Variants in CDH8 observed in about 807,000 individuals in gnomAD.
The protein encoded by CDH8 is cadherin-8.
CDH8 carries 17 observed loss-of-function variants against 68.1 expected under a neutral mutation model. That is an observed-to-expected ratio of 0.25 (90% confidence interval 0.17 to 0.37). CDH8 has a LOEUF of 0.37. Ranked by LOEUF, CDH8 falls within the 10% of genes least tolerant of loss-of-function variation. The pLI is 1.00. For synonymous variants in CDH8, 372 were observed against 365.1 expected (o/e 1.02, Z -0.21); for missense variants, 763 against 999.3 (o/e 0.76, Z 3.19).
At chr16:61,738,861 T>G (rs1959782771) in intron 8 of CDH8, among the ~76,000 whole-genome samples, 1 of 152,136 alleles carries the variant, frequency 6.6e-6, no homozygotes, top group African/African-American at 2.4e-5. Context: ...TTGTTTTAGT[T>G]TTGATCTGTG....
At chr16:62,032,047 CTTTGG>C in intron 1 of CDH8, 1 of 152,278 alleles carries the variant, frequency 6.6e-6, no homozygotes, top group Admixed American at 6.5e-5. Context: ...ACTAATAGCC[CTTTGG>C]TTAATTAAGC....
At chr16:61,800,483 G>A (rs191226314) in intron 7 of CDH8, among the ~76,000 whole-genome samples, 30 of 152,254 alleles carry the variant, frequency 2.0e-4, no homozygotes, top group Non-Finnish European at 2.9e-4. Flanking sequence ...CCTTGGCTTT[G>A]GAAGGGCATT....
chr16:61,895,458 T>C (rs2143223415), intron 3 of CDH8, among the ~76,000 whole-genome samples: 1 of 152,252 alleles, frequency 6.6e-6, no homozygotes, highest in African/African-American at 2.4e-5. Context: ...GTTGTGTATA[T>C]TAGAAGCATT....
intron 9 of CDH8, among the ~76,000 whole-genome samples, chr16:61,714,700 T>C (rs1347526039): frequency 1.3e-5 from 2 of 151,636 alleles, no homozygotes; most frequent in Non-Finnish European, 3.0e-5. Flanking sequence ...CAGATAATTA[T>C]CTTAATAATT....
chr16:61,850,174 A>G (rs1962909794), intron 4 of CDH8, among the ~76,000 whole-genome samples: 1 of 152,046 alleles, frequency 6.6e-6, no homozygotes, highest in Admixed American at 6.6e-5. Flanking sequence ...GCTTTTGGTG[A>G]GGAAGTTTTA....
At chr16:61,840,872 T>A (rs2143008147) in intron 4 of CDH8, among the ~76,000 whole-genome samples, 1 of 152,090 alleles carries the variant, frequency 6.6e-6, no homozygotes, top group South Asian at 2.1e-4. Context: ...ATGGCACACA[T>A]TTACCTATGC....
chr16:61,917,743 G>A (rs1964267243), intron 2 of CDH8, among the ~76,000 whole-genome samples: 1 of 152,170 alleles, frequency 6.6e-6, no homozygotes, highest in Non-Finnish European at 1.5e-5. Context: ...AGTACATAGT[G>A]AACCTTCTTT....
intron 8 of CDH8, among the ~76,000 whole-genome samples, chr16:61,734,788 T>A (rs1959630820): frequency 6.6e-6 from 1 of 152,094 alleles, no homozygotes; most frequent in African/African-American, 2.4e-5. Flanking sequence ...TTCAAAAAAA[T>A]TATGACTTTT....
chr16:61,783,368 G>A (rs1441767937), intron 8 of CDH8, among the ~76,000 whole-genome samples: 21 of 145,378 alleles, frequency 1.4e-4, no homozygotes, highest in South Asian at 8.9e-4. Flanking sequence ...GAAATGAAGC[G>A]AGAAGGGAAG....
intron 10 of CDH8, among the ~76,000 whole-genome samples, chr16:61,702,784 A>G (rs551005527): frequency 6.6e-6 from 1 of 152,376 alleles, no homozygotes; most frequent in South Asian, 2.1e-4. Context: ...TTTAAGAGAC[A>G]GTGTGTGCTA....
intron 3 of CDH8, among the ~76,000 whole-genome samples, chr16:61,859,270 G>C (rs1032431898): frequency 6.6e-6 from 1 of 152,156 alleles, no homozygotes; most frequent in African/African-American, 2.4e-5. Flanking sequence ...GTAGCTATTT[G>C]AGTATTACAT....
intron 4 of CDH8, among the ~76,000 whole-genome samples, chr16:61,841,474 C>T (rs1427332836): frequency 6.6e-6 from 1 of 151,964 alleles, no homozygotes; most frequent in African/African-American, 2.4e-5. Context: ...ATCTACAAAT[C>T]AAAACAATTG....
intron 2 of CDH8, among the ~76,000 whole-genome samples, chr16:61,933,950 C>T (rs1964587495): frequency 6.6e-6 from 1 of 152,120 alleles, no homozygotes; most frequent in Non-Finnish European, 1.5e-5. Flanking sequence ...CACATCAAAA[C>T]CTGCGATTGT....
intron 4 of CDH8, among the ~76,000 whole-genome samples, chr16:61,844,890 TA>T (rs1255067330): frequency 6.6e-6 from 1 of 152,182 alleles, no homozygotes; most frequent in Non-Finnish European, 1.5e-5. Flanking sequence ...GGAAAGACTT[TA>T]AAAGTATGAC....
Position 61,957,873 on chromosome 16 carries a change from T to A in CDH8, c.253-56400A>T, listed in dbSNP as rs570151759. Among the ~76,000 whole-genome samples, 5 of 152,324 alleles carry A rather than the reference T, an allele frequency of 3.3e-5. No individual in the cohort carries two copies. In the East Asian group the frequency reaches 9.7e-4, roughly 29 times the overall value. On this transcript the variant is annotated intron_variant, in intron 2 of 11. Transcript: ENST00000577390. ...GTTCATCTCTATCACATCTTTCCCT[T>A]CATCTTTATATTCCAAGAACCTAGT...
intron 1 of CDH8, among the ~76,000 whole-genome samples, chr16:62,034,426 A>G (rs1206263381): frequency 6.6e-6 from 1 of 152,136 alleles, no homozygotes; most frequent in African/African-American, 2.4e-5. Flanking sequence ...AAGCTCCTAT[A>G]ATAAAGCCTG....
At chr16:61,854,086 A>T (rs1287675225) in intron 4 of CDH8, among the ~76,000 whole-genome samples, 1 of 151,352 alleles carries the variant, frequency 6.6e-6, no homozygotes, top group Non-Finnish European at 1.5e-5. Flanking sequence ...ATACATGTAT[A>T]TATGTTTATA....
At chr16:61,772,726 T>C (rs906451970) in intron 8 of CDH8, among the ~76,000 whole-genome samples, 12 of 152,056 alleles carry the variant, frequency 7.9e-5, no homozygotes, top group African/African-American at 2.9e-4. Flanking sequence ...GCGGGGATTA[T>C]AGCTATGGTT....
At chr16:61,654,398 G>A (rs541328044) in intron 11 of CDH8, among the ~76,000 whole-genome samples, 1 of 152,216 alleles carries the variant, frequency 6.6e-6, no homozygotes, top group Admixed American at 6.5e-5. Flanking sequence ...ATTAGAGTGA[G>A]TGGCACAAAA....
Sources: allele counts gnomAD v4.1 joint callset (sites outside exome capture counted in the v4.1 genomes callset), GRCh38; gene constraint gnomAD v4.1.1; transcripts MANE v1.5; gene names NCBI Gene and HGNC (gene_info 2026-07-23, HGNC 2026-07-21).